The following ENTPD3 variants were observed in gnomAD, a reference collection of about 807,000 sequenced individuals.
ENTPD3 encodes the protein ectonucleoside triphosphate diphosphohydrolase 3, also known as CD39 antigen-like 3.
ENTPD3 carries 60 observed loss-of-function variants against 51.2 expected under a neutral mutation model. The observed-to-expected ratio is 1.17, with a 90% CI of 0.95 to 1.45. The LOEUF is 1.45. Ranked by LOEUF, ENTPD3 falls within the 40% of genes most tolerant of loss-of-function variation. The pLI is 0.00. For missense variants in ENTPD3, 593 were observed against 641.1 expected (o/e 0.93, Z 0.81); for synonymous variants, 221 against 238.4 (o/e 0.93, Z 0.67).
In ENTPD3 at chr3:40,422,929, T is replaced by C. The variant is rs1424469883; in HGVS notation, c.911T>C (p.Phe304Ser). ...YSISFTMGHV[F>S]DSLCTVDQRP... ...ATCAGCTTCACCATGGGCCATGTAT[T>C]TGATAGCCTGTGCACTGTGGACCAG... The change falls in exon 8 of 11, where the codon TTT becomes TCT. Residue 304 changes from phenylalanine (F) to serine (S), a missense_variant. Coordinates refer to ENST00000301825, the MANE Select transcript of ENTPD3 (RefSeq NM_001248.4). The C allele has an allele frequency of 1.2e-6, 2 of 1,614,080 alleles. No individual in the cohort carries two copies. Among genetic ancestry groups the C allele is most frequent in the Non-Finnish European group, 1.7e-6 (2 of 1,179,990 alleles).
intron 4 of ENTPD3, among the ~76,000 whole-genome samples, chr3:40,409,470 G>A (rs1293413941): frequency 2.0e-5 from 3 of 152,238 alleles, no homozygotes; most frequent in South Asian, 4.2e-4. Flanking sequence ...CCTTGGCCAA[G>A]GTTGAGAAAG....
chr3:40,413,106 A>C (rs1450707699), intron 5 of ENTPD3, among the ~76,000 whole-genome samples: 1 of 152,190 alleles, frequency 6.6e-6, no homozygotes, highest in Non-Finnish European at 1.5e-5. Context: ...CTCATCTGCT[A>C]TAGTGGATGC....
In ENTPD3 at chr3:40,415,823, C is replaced by G; in HGVS notation, c.598-17C>G. ...TGCCTTTGGCTTTCTTTCTCACTTC[C>G]TTTTCCCACTGTGCAGAAGAACCTG... On this transcript the variant is annotated splice_polypyrimidine_tract_variant and intron_variant, in intron 6 of 10. Transcript: ENST00000301825. 1.9e-6 allele frequency: 3 copies of G among 1,607,350 alleles called. No homozygotes were observed. Among genetic ancestry groups the G allele is most frequent in the Non-Finnish European group, 2.6e-6 (3 of 1,174,130 alleles).
Position 40,423,084 on chromosome 3 carries a change from G to C in ENTPD3, c.1066G>C (p.Asp356His). 6.2e-7 allele frequency: 1 copy of C among 1,613,978 alleles called. No homozygotes were observed. The highest frequency in any genetic ancestry group is 8.5e-7 in the Non-Finnish European group (1 of 1,179,918). Residue 356 changes from aspartate to histidine, a missense_variant, in exon 8 of 11, where the codon GAT (aspartate) becomes CAT (histidine). By Grantham distance (81) the Asp-to-His change is moderately conservative. Coordinates refer to ENST00000301825, the MANE Select transcript of ENTPD3 (RefSeq NM_001248.4). Reference sequence around the variant, plus strand: ...CCATGATCAAGAAACCTGTTCTTTTGATGGGGTTTATCAGCCAAAGATTAA... The same window carrying C: ...CCATGATCAAGAAACCTGTTCTTTTCATGGGGTTTATCAGCCAAAGATTAA... ...ACHDQETCSF[D>H]GVYQPKIKGP...
intron 4 of ENTPD3, among the ~76,000 whole-genome samples, chr3:40,411,328 A>G (rs1212358314): frequency 6.6e-6 from 1 of 152,008 alleles, no homozygotes; most frequent in Non-Finnish European, 1.5e-5. Context: ...AGAAAAAGAA[A>G]TTATTTTTAA....
At chr3:40,416,955 T>A (rs1487457940) in intron 7 of ENTPD3, among the ~76,000 whole-genome samples, 1 of 151,188 alleles carries the variant, frequency 6.6e-6, no homozygotes, top group Admixed American at 6.6e-5. Flanking sequence ...ACAGACTCTA[T>A]CCTGCAGAGG....
intron 3 of ENTPD3, 123 bp downstream of exon 3, chr3:40,392,273 G>A: frequency 8.3e-7 from 1 of 1,205,226 alleles, no homozygotes; most frequent in Admixed American, 2.3e-5. Flanking sequence ...GCTGAAGCCA[G>A]GAGAAGTTAG....
At chr3:40,397,115 G>GTTTGTTTT (rs1437880969) in intron 3 of ENTPD3, among the ~76,000 whole-genome samples, 2 of 23,880 alleles carry the variant, frequency 8.4e-5, no homozygotes, top group African/African-American at 1.1e-4. Flanking sequence ...TGGATAATTA[G>GTTTGTTTT]TTTCTTTTTT....
chr3:40,404,665 T>G (rs1575217003), intron 4 of ENTPD3, among the ~76,000 whole-genome samples: 1 of 152,198 alleles, frequency 6.6e-6, no homozygotes, highest in African/African-American at 2.4e-5. Flanking sequence ...ATATATACTC[T>G]GAATGAACAG....
At position 40,411,898 on chromosome 3, in the gene ENTPD3, C is replaced by T. The variant is rs1955640430; in HGVS notation, c.373C>T (p.Pro125Ser). 1.2e-6 allele frequency: 2 copies of T among 1,612,718 alleles called. No individual in the cohort carries two copies. The highest frequency in any genetic ancestry group is 1.7e-6 in the Non-Finnish European group (2 of 1,179,518). ...TATGCAAAAAGTCAAGGGGCAGGTT[C>T]CATCCCACCTCCACGGATCCACCCC... Reference protein sequence around the residue: ...ECMQKVKGQVPSHLHGSTPIH... With the variant: ...ECMQKVKGQVSSHLHGSTPIH... The change falls in exon 5 of 11, where the codon CCA becomes TCA. Residue 125 changes from proline to serine, a missense_variant. Physicochemically the swap from Pro to Ser is moderately conservative, Grantham distance 74 (BLOSUM62 -1). Coordinates refer to ENST00000301825, the MANE Select transcript of ENTPD3 (RefSeq NM_001248.4).
chr3:40,426,201 T>C (rs953863161), intron 10 of ENTPD3, among the ~76,000 whole-genome samples: 1 of 146,224 alleles, frequency 6.8e-6, no homozygotes, highest in Admixed American at 7.3e-5. Flanking sequence ...CTCCGCCTCC[T>C]GGGCTCAAAC....
intron 4 of ENTPD3, among the ~76,000 whole-genome samples, chr3:40,402,737 A>G (rs1955395104): frequency 1.3e-5 from 2 of 152,146 alleles, no homozygotes; most frequent in South Asian, 2.1e-4. Context: ...ACAACCATCA[A>G]TATTCCTTTT....
intron 2 of ENTPD3, chr3:40,391,165 T>C (rs1450972347): frequency 6.6e-6 from 1 of 151,424 alleles, no homozygotes; most frequent in Non-Finnish European, 1.5e-5. Context: ...GGTTTCACCA[T>C]ATTGGCCAGG....
chr3:40,414,997 A>C (rs1955713790), intron 6 of ENTPD3, among the ~76,000 whole-genome samples, 157 bp downstream of exon 6: 1 of 152,212 alleles, frequency 6.6e-6, no homozygotes. Context: ...AATAGCTAAG[A>C]AAGACATATA....
chr3:40,399,914 T>C (rs1487409790), intron 3 of ENTPD3, among the ~76,000 whole-genome samples: 1 of 152,188 alleles, frequency 6.6e-6, no homozygotes, highest in Non-Finnish European at 1.5e-5. Flanking sequence ...TATTTTTTTA[T>C]TTTGCTTTTT....
In ENTPD3 at chr3:40,423,166, T is replaced by C; in HGVS notation, c.1104+44T>C. On this transcript the variant is annotated intron_variant, in intron 8 of 10. Coordinates refer to ENST00000301825, the MANE Select transcript of ENTPD3 (RefSeq NM_001248.4). The stretch of plus-strand genomic sequence containing the variant: ...GAAAGATTCCTTTCCCCATTGAATA[T>C]TCATTTCTCACTTTTCTGTTTCTCC... 1.9e-6 allele frequency: 3 copies of C among 1,588,284 alleles called. No individual in the cohort carries two copies. The East Asian group carries it at 6.7e-5, about 36-fold the overall frequency.
At position 40,427,763 on chromosome 3, in the gene ENTPD3, G is replaced by A. The variant is rs6773917; in HGVS notation, c.*255G>A. ...GGGGAACAGAGAAGAGACAGGCCAC[G>A]AAGGTCAGGCTCTTTATATTAAGTT... On this transcript the variant is annotated 3_prime_UTR_variant, in exon 11 of 11. Transcript: ENST00000301825. 3 of 510,300 alleles carry A rather than the reference G, an allele frequency of 5.9e-6. No homozygotes were observed. Among genetic ancestry groups the A allele is most frequent in the Non-Finnish European group, 1.1e-5 (3 of 282,486 alleles). 31.6% of individuals were successfully genotyped at this position (510,300 alleles called of 1,614,324 possible). A position where few individuals can be genotyped will look rare whatever the true frequency, so the allele number is the denominator to read the frequency against.
At chr3:40,397,124 T>TTTTTTTTC (rs1271120384) in intron 3 of ENTPD3, among the ~76,000 whole-genome samples, 1 of 146,912 alleles carries the variant, frequency 6.8e-6, no homozygotes, top group East Asian at 2.0e-4. Context: ...AGTTTCTTTT[T>TTTTTTTTC]TTTTTTTTTT....
chr3:40,394,901 A>C (rs1030281482), intron 3 of ENTPD3, among the ~76,000 whole-genome samples: 3 of 152,174 alleles, frequency 2.0e-5, no homozygotes, highest in Non-Finnish European at 4.4e-5. Context: ...CTTCAGGCTT[A>C]TCTCTCTCTA....
Sources: allele counts gnomAD v4.1 joint callset (sites outside exome capture counted in the v4.1 genomes callset), GRCh38; gene constraint gnomAD v4.1.1; transcripts MANE v1.5; gene names NCBI Gene and HGNC (gene_info 2026-07-23, HGNC 2026-07-21).